The following GALNT11 variants were observed in gnomAD, a reference collection of about 807,000 sequenced individuals.
GALNT11 encodes the protein UDP-GalNAc:polypeptide N-acetylgalactosaminyltransferase 11.
Under a neutral mutation model 72.7 loss-of-function variants are expected in GALNT11, and 47 were observed. The ratio of observed to expected loss-of-function variants is 0.65; its 90% CI spans 0.51 to 0.82. The LOEUF is 0.82. GALNT11 is among the 40% of genes least tolerant of loss of function. The pLI is 0.00. For synonymous variants in GALNT11, 270 were observed against 286.6 expected (o/e 0.94, Z 0.58); for missense variants, 677 against 778.4 (o/e 0.87, Z 1.55).
At chr7:152,092,948 C>A (rs1237742007) in intron 1 of GALNT11, among the ~76,000 whole-genome samples, 2 of 152,156 alleles carry the variant, frequency 1.3e-5, no homozygotes, top group African/African-American at 4.8e-5. Context: ...GGAGAAATTG[C>A]CAGGCACGGT....
At chr7:152,118,590 C>G in intron 9 of GALNT11, 88 bp from the exon 10 acceptor site, 1 of 1,105,424 alleles carries the variant, frequency 9.0e-7, no homozygotes, top group Non-Finnish European at 1.3e-6. Context: ...CCGGAATAAC[C>G]TTTCACATTT....
chr7:152,095,300 G>A (rs1267548622), intron 2 of GALNT11, among the ~76,000 whole-genome samples: 2 of 152,034 alleles, frequency 1.3e-5, no homozygotes, highest in Non-Finnish European at 2.9e-5. Context: ...TATTTTAAGG[G>A]ATAAGTGAGC....
intron 1 of GALNT11, among the ~76,000 whole-genome samples, chr7:152,067,974 CCACA>C (rs751179733): frequency 9.9e-5 from 15 of 151,980 alleles, no homozygotes; most frequent in Non-Finnish European, 2.1e-4. Context: ...AGGGGAGGTG[CCACA>C]TACTTTTAAA....
chr7:152,042,650 A>T (rs530323885), intron 1 of GALNT11, among the ~76,000 whole-genome samples: 4 of 152,292 alleles, frequency 2.6e-5, no homozygotes, highest in South Asian at 2.1e-4. Flanking sequence ...TCCTGTTCCC[A>T]TGCCAGGGAC....
intron 1 of GALNT11, among the ~76,000 whole-genome samples, chr7:152,068,032 A>G (rs903529709): frequency 6.6e-6 from 1 of 152,124 alleles, no homozygotes; most frequent in Non-Finnish European, 1.5e-5. Flanking sequence ...GTCAGCAGCA[A>G]GCCATGAGGG....
At chr7:152,060,482 T>TA (rs1028874691) in intron 1 of GALNT11, among the ~76,000 whole-genome samples, 15 of 151,938 alleles carry the variant, frequency 9.9e-5, no homozygotes, top group African/African-American at 2.4e-4. Context: ...GTTTTTTTTT[T>TA]TATATATATA....
At chr7:152,037,795 G>T (rs1360106146) in intron 1 of GALNT11, among the ~76,000 whole-genome samples, 1 of 151,846 alleles carries the variant, frequency 6.6e-6, no homozygotes, top group Admixed American at 6.6e-5. Context: ...TTTTGAGAGA[G>T]TCTTGCTTTG....
intron 1 of GALNT11, among the ~76,000 whole-genome samples, chr7:152,055,942 A>G (rs1336383493): frequency 6.6e-6 from 1 of 152,180 alleles, no homozygotes; most frequent in Non-Finnish European, 1.5e-5. Context: ...CTGTAATATT[A>G]AAACCAGAAT....
intron 2 of GALNT11, among the ~76,000 whole-genome samples, chr7:152,100,572 A>G (rs542239062): frequency 3.4e-4 from 52 of 152,236 alleles, no homozygotes; most frequent in African/African-American, 1.3e-3. Context: ...CTCAAAAAAA[A>G]AAAAAAAATT....
chr7:152,056,306 G>A (rs1344574409), intron 1 of GALNT11, among the ~76,000 whole-genome samples: 1 of 152,166 alleles, frequency 6.6e-6, no homozygotes, highest in Non-Finnish European at 1.5e-5. Flanking sequence ...CAGCATCTGG[G>A]GCATTTACCC....
chr7:152,053,655 G>C (rs13438710), intron 1 of GALNT11, among the ~76,000 whole-genome samples: 4,972 of 152,220 alleles, frequency 0.033, 271 homozygotes, highest in African/African-American at 0.11. Context: ...ACCAAAATGT[G>C]TAACGGTTTC....
intron 1 of GALNT11, 46 bp downstream of exon 1, chr7:152,025,930 C>A: frequency 1.4e-5 from 1 of 73,036 alleles, no homozygotes. Context: ...CTCAGCACCT[C>A]GAGAGCTGCG....
chr7:152,068,295 C>T (rs2084431713), intron 1 of GALNT11, among the ~76,000 whole-genome samples: 1 of 152,158 alleles, frequency 6.6e-6, no homozygotes, highest in Non-Finnish European at 1.5e-5. Context: ...TTCAAGTTGG[C>T]GTCCTTCATT....
chr7:152,068,999 A>G (rs893211600), intron 1 of GALNT11, among the ~76,000 whole-genome samples: 1 of 152,224 alleles, frequency 6.6e-6, no homozygotes, highest in Non-Finnish European at 1.5e-5. Context: ...ATGAACTACA[A>G]AAGAATCAAA....
At chr7:152,048,519 CTTTTCT>C (rs956521466) in intron 1 of GALNT11, among the ~76,000 whole-genome samples, 3 of 151,528 alleles carry the variant, frequency 2.0e-5, no homozygotes, top group African/African-American at 7.3e-5. Context: ...AGGTCAACAA[CTTTTCT>C]TTTTCTTTTT....
chr7:152,081,637 G>T (rs1013323311), intron 1 of GALNT11, among the ~76,000 whole-genome samples: 7 of 152,104 alleles, frequency 4.6e-5, no homozygotes, highest in African/African-American at 1.2e-4. Context: ...GTAGTGTAAG[G>T]CTACTCTTCA....
chr7:152,041,000 C>T (rs2082830793), intron 1 of GALNT11, among the ~76,000 whole-genome samples: 1 of 152,104 alleles, frequency 6.6e-6, no homozygotes, highest in Admixed American at 6.5e-5. Context: ...TCGATCTGTC[C>T]CCAGGTGGGT....
chr7:152,117,819 A>C (rs1440187094), intron 9 of GALNT11: 1 of 172,342 alleles, frequency 5.8e-6, no homozygotes, highest in Non-Finnish European at 1.2e-5. Context: ...TGTTCCCAGA[A>C]GTCATCTGAG....
At chr7:152,061,783 A>G (rs1483815661) in intron 1 of GALNT11, among the ~76,000 whole-genome samples, 5 of 152,086 alleles carry the variant, frequency 3.3e-5, no homozygotes, top group East Asian at 3.9e-4. Flanking sequence ...TCAGATGGTT[A>G]TAGATGTGTG....
Sources: gnomAD v4.1 joint callset for allele counts (sites outside exome capture counted in the v4.1 genomes callset) on GRCh38, gnomAD v4.1.1 for gene constraint, MANE v1.5 for transcripts, NCBI Gene and HGNC (gene_info 2026-07-23, HGNC 2026-07-21) for gene names.